Variants in ADAMTSL1 observed in about 807,000 individuals in gnomAD.
ADAMTSL1 encodes the protein ADAMTS like 1, also known as ADAMTS-like protein 1.
In ADAMTSL1, 126 loss-of-function variants were observed where a neutral mutation model predicts 201.8. That is an observed-to-expected ratio of 0.62 (90% CI 0.54 to 0.72). ADAMTSL1 has a LOEUF of 0.72. Among genes scored for constraint, ADAMTSL1 ranks in the 30% least tolerant of loss-of-function variants. The probability of loss-of-function intolerance (pLI) is 0.00; values close to 1 mark genes in which losing one functional copy is unlikely to be tolerated. For synonymous variants in ADAMTSL1, 1,121 were observed against 903.4 expected (o/e 1.24, Z -4.32); for missense variants, 2,679 against 2,277.8 (o/e 1.18, Z -3.59).
intron 1 of ADAMTSL1, among the ~76,000 whole-genome samples, chr9:18,122,732 C>T (rs1368167117): frequency 6.6e-6 from 1 of 152,092 alleles, no homozygotes. Context: ...GGTGCTGGTA[C>T]TAATTCTGTC....
At chr9:18,769,323 T>C (rs1055019747) in intron 16 of ADAMTSL1, among the ~76,000 whole-genome samples, 1 of 152,160 alleles carries the variant, frequency 6.6e-6, no homozygotes, top group Non-Finnish European at 1.5e-5. Context: ...CCAGGCTTGA[T>C]CTCTCAGCAA....
intron 1 of ADAMTSL1, among the ~76,000 whole-genome samples, chr9:18,076,007 A>G (rs1823206852): frequency 6.6e-6 from 1 of 152,246 alleles, no homozygotes; most frequent in Non-Finnish European, 1.5e-5. Flanking sequence ...TACACAATTT[A>G]AACATCACCT....
chr9:18,106,802 G>C (rs910180239), intron 1 of ADAMTSL1, among the ~76,000 whole-genome samples: 2 of 152,178 alleles, frequency 1.3e-5, no homozygotes, highest in Non-Finnish European at 2.9e-5. Flanking sequence ...GCATCTTTTA[G>C]ATGAGGTTCT....
intron 2 of ADAMTSL1, among the ~76,000 whole-genome samples, chr9:18,344,692 G>T (rs958261595): frequency 6.6e-6 from 1 of 152,154 alleles, no homozygotes; most frequent in Admixed American, 6.6e-5. Flanking sequence ...TGATACAGGA[G>T]CAGCAAAGCA....
intron 26 of ADAMTSL1, 88 bp from the exon 27 acceptor site, chr9:18,905,694 G>A: frequency 2.0e-6 from 2 of 979,630 alleles, no homozygotes; most frequent in Non-Finnish European, 3.1e-6. Context: ...ACCTACACAA[G>A]GATCGTGCAT....
intron 2 of ADAMTSL1, among the ~76,000 whole-genome samples, chr9:18,361,635 C>T (rs1836524043): frequency 6.6e-6 from 1 of 152,010 alleles, no homozygotes; most frequent in Non-Finnish European, 1.5e-5. Context: ...GCTTTTAATC[C>T]CCTAGAGTAC....
At chr9:18,021,966 C>T (rs1330941230) in intron 1 of ADAMTSL1, among the ~76,000 whole-genome samples, 1 of 152,076 alleles carries the variant, frequency 6.6e-6, no homozygotes, top group African/African-American at 2.4e-5. Flanking sequence ...AGCTCATTGG[C>T]TTAGACCTCA....
At chr9:17,947,935 A>G (rs1263979309) in intron 1 of ADAMTSL1, among the ~76,000 whole-genome samples, 3 of 152,284 alleles carry the variant, frequency 2.0e-5, no homozygotes, top group Admixed American at 1.3e-4. Context: ...ACCATCTTCC[A>G]AAAACAACTA....
chr9:18,539,900 C>T (rs1374185727), intron 3 of ADAMTSL1, among the ~76,000 whole-genome samples: 1 of 152,064 alleles, frequency 6.6e-6, no homozygotes. Context: ...TTTGGTATTC[C>T]TGTTGGCCGG....
At chr9:18,310,140 A>G (rs1295519939) in intron 2 of ADAMTSL1, among the ~76,000 whole-genome samples, 2 of 152,048 alleles carry the variant, frequency 1.3e-5, no homozygotes, top group African/African-American at 2.4e-5. Context: ...CCATATGCAG[A>G]AAACTGGAAC....
Position 18,045,315 on chromosome 9 carries a change from T to G in ADAMTSL1, c.88-118547T>G, listed in dbSNP as rs142878033. Among the ~76,000 whole-genome samples the G allele has an allele frequency of 1.8e-3, 259 of 147,546 alleles. 1 individual carries two copies. The highest frequency in any genetic ancestry group is 5.7e-3 in the African/African-American group (238 of 41,442). On this transcript the variant is annotated intron_variant, in intron 1 of 29. Transcript: ENST00000680146. ...ATACTGATGTGGTTGGTTATTCAAC[T>G]ACTATTCAAGTAATTCTTGAATCAG... is the stretch of plus-strand genomic sequence containing the variant.
chr9:18,855,440 C>A (rs1383017417), intron 23 of ADAMTSL1, among the ~76,000 whole-genome samples: 1 of 152,100 alleles, frequency 6.6e-6, no homozygotes, highest in Non-Finnish European at 1.5e-5. Context: ...TGTTCTCTAC[C>A]CATGAGAACC....
At chr9:18,024,291 G>C (rs1482864697) in intron 1 of ADAMTSL1, among the ~76,000 whole-genome samples, 1 of 151,822 alleles carries the variant, frequency 6.6e-6, no homozygotes, top group African/African-American at 2.4e-5. Context: ...TAGCTTTGAG[G>C]GTACATCTGT....
intron 2 of ADAMTSL1, among the ~76,000 whole-genome samples, chr9:18,310,960 C>T (rs1834127803): frequency 6.6e-6 from 1 of 152,098 alleles, no homozygotes; most frequent in South Asian, 2.1e-4. Context: ...AACCCAAATG[C>T]CCATCAGTGA....
At chr9:18,522,594 C>T (rs1478885294) in intron 2 of ADAMTSL1, among the ~76,000 whole-genome samples, 1 of 142,586 alleles carries the variant, frequency 7.0e-6, no homozygotes, top group African/African-American at 2.7e-5. Context: ...GCCCCCCTCC[C>T]CACACCCCAT....
At chr9:18,622,450 A>G (rs749151031) in intron 5 of ADAMTSL1, 81 bp downstream of exon 5, 2 of 1,588,238 alleles carry the variant, frequency 1.3e-6, no homozygotes, top group African/African-American at 2.7e-5. Flanking sequence ...CTAAACAGCC[A>G]GGGAACAACA....
chr9:18,770,530 A>G (rs1030186861), intron 16 of ADAMTSL1, 72 bp from the exon 17 acceptor site: 11 of 1,416,944 alleles, frequency 7.8e-6, no homozygotes, highest in Admixed American at 2.5e-5. Context: ...CCAAATTAAG[A>G]TAAGAATTAG....
At chr9:18,848,120 C>T (rs1826248949) in intron 23 of ADAMTSL1, among the ~76,000 whole-genome samples, 1 of 152,154 alleles carries the variant, frequency 6.6e-6, no homozygotes, top group African/African-American at 2.4e-5. Flanking sequence ...CTCTGTCTGC[C>T]TGGCCCTGAG....
At chr9:18,505,381 G>T (rs764640806) in intron 2 of ADAMTSL1, among the ~76,000 whole-genome samples, 3 of 152,306 alleles carry the variant, frequency 2.0e-5, no homozygotes, top group Middle Eastern at 3.4e-3. Context: ...TAACATATTG[G>T]TTTATTTTTG....
Sources: gnomAD v4.1 joint callset for allele counts (sites outside exome capture counted in the v4.1 genomes callset) on GRCh38, gnomAD v4.1.1 for gene constraint, MANE v1.5 for transcripts, NCBI Gene and HGNC (gene_info 2026-07-23, HGNC 2026-07-21) for gene names.